MELK: variants seen among roughly 807,000 people sequenced by gnomAD.
MELK encodes maternal embryonic leucine zipper kinase.
A neutral mutation model predicts 85.0 loss-of-function variants in MELK; 81 were observed. That is an observed-to-expected ratio of 0.95 (90% confidence interval 0.80 to 1.15). MELK has a LOEUF of 1.15. Among genes scored for constraint, MELK ranks in the 50% most tolerant of loss-of-function variants. The probability of loss-of-function intolerance (pLI) is 0.00; values close to 1 mark genes in which losing one functional copy is unlikely to be tolerated. For missense variants in MELK, 754 were observed against 777.5 expected, an observed-to-expected ratio of 0.97 and a Z score of 0.36; for synonymous variants, 252 against 265.0, an observed-to-expected ratio of 0.95 and a Z score of 0.48.
At chr9:36,629,101 G>A (rs185842801) in intron 8 of MELK, among the ~76,000 whole-genome samples, 144 of 152,004 alleles carry the variant, frequency 9.5e-4, no homozygotes, top group Middle Eastern at 3.4e-3. Context: ...TCCTGACCTC[G>A]TGATCCACCT....
chr9:36,640,688 G>T (rs1829676242), intron 10 of MELK, among the ~76,000 whole-genome samples: 1 of 152,174 alleles, frequency 6.6e-6, no homozygotes, highest in Admixed American at 6.5e-5. Flanking sequence ...GGCTTCAAGT[G>T]ATCCTCCCAC....
intron 1 of MELK, among the ~76,000 whole-genome samples, chr9:36,577,909 T>A (rs2134801225): frequency 6.6e-6 from 1 of 152,216 alleles, no homozygotes; most frequent in Admixed American, 6.5e-5. Context: ...TGCCTCAGCC[T>A]CCCAAAGTGC....
intron 8 of MELK, among the ~76,000 whole-genome samples, chr9:36,615,147 G>C (rs1372214581): frequency 7.0e-6 from 1 of 143,582 alleles, no homozygotes; most frequent in African/African-American, 2.6e-5. Flanking sequence ...AGGGGCGGCC[G>C]GGCAGAGGCG....
At chr9:36,611,789 T>TATC (rs58570465) in intron 8 of MELK, among the ~76,000 whole-genome samples, 13 of 150,318 alleles carry the variant, frequency 8.6e-5, no homozygotes, top group Non-Finnish European at 1.3e-4. Flanking sequence ...TTATTATTAT[T>TATC]TTGAGATGGC....
At chr9:36,651,270 A>C (rs929681473) in intron 11 of MELK, among the ~76,000 whole-genome samples, 2 of 152,182 alleles carry the variant, frequency 1.3e-5, no homozygotes, top group East Asian at 3.9e-4. Context: ...ACAATTAACT[A>C]TTTTGAACAT....
chr9:36,627,476 T>C (rs1219260713), intron 8 of MELK, among the ~76,000 whole-genome samples: 2 of 152,062 alleles, frequency 1.3e-5, no homozygotes, highest in African/African-American at 4.8e-5. Flanking sequence ...TTATTCCCTT[T>C]ATCGAAAGCA....
chr9:36,654,501 G>A (rs940455311), intron 12 of MELK, among the ~76,000 whole-genome samples: 2 of 151,574 alleles, frequency 1.3e-5, no homozygotes, highest in South Asian at 2.1e-4. Context: ...GATTACAGGT[G>A]TGTGCCACCA....
At position 36,587,844 on chromosome 9, in the gene MELK, G is replaced by A. The variant is rs114393518; in HGVS notation, c.145-1692G>A. Among the ~76,000 whole-genome samples, 247 of 151,164 alleles carry A rather than the reference G, an allele frequency of 1.6e-3. 1 individual carries two copies. Among genetic ancestry groups the A allele is most frequent in the African/African-American group, 5.5e-3 (228 of 41,126 alleles). On this transcript the variant is annotated intron_variant, in intron 3 of 17. Transcript: ENST00000298048. ...GGCTGGAGTGCAGTGGCACGATCTC[G>A]GCCACTCCCAGGTTCAAGTGATTCT...
chr9:36,648,040 C>T (rs774314924), intron 11 of MELK, among the ~76,000 whole-genome samples: 153 of 152,174 alleles, frequency 1.0e-3, no homozygotes, highest in Non-Finnish European at 8.4e-4. Context: ...AAGACTATTC[C>T]GTACTGTTAA....
chr9:36,644,486 CATA>C (rs1435950037), intron 11 of MELK, among the ~76,000 whole-genome samples: 1 of 152,104 alleles, frequency 6.6e-6, no homozygotes, highest in Non-Finnish European at 1.5e-5. Flanking sequence ...TTCTGAATGA[CATA>C]ATAAGTAAAG....
chr9:36,603,275 G>T (rs2135699908), intron 7 of MELK, among the ~76,000 whole-genome samples: 1 of 152,164 alleles, frequency 6.6e-6, no homozygotes, highest in South Asian at 2.1e-4. Flanking sequence ...CTGAGATGGG[G>T]CTTTAAGAAT....
At chr9:36,665,937 A>G (rs143087299) in intron 14 of MELK, among the ~76,000 whole-genome samples, 164 of 152,326 alleles carry the variant, frequency 1.1e-3, no homozygotes, top group African/African-American at 3.7e-3. Context: ...TCATATACCC[A>G]GGTTTAGACC....
chr9:36,576,634 C>T (rs1342659214), intron 1 of MELK, among the ~76,000 whole-genome samples: 6 of 152,058 alleles, frequency 3.9e-5, no homozygotes, highest in Admixed American at 3.3e-4. Flanking sequence ...TGGGTTCAAG[C>T]GATTCTCCTT....
chr9:36,630,826 G>T (rs893527008), intron 9 of MELK, among the ~76,000 whole-genome samples: 4 of 152,006 alleles, frequency 2.6e-5, no homozygotes, highest in Non-Finnish European at 5.9e-5. Context: ...GCTAATTTTT[G>T]TATTTTTAGT....
At position 36,665,582 on chromosome 9, in the gene MELK, G is replaced by GT; in HGVS notation, c.1408+2dup. 6.2e-7 allele frequency: 1 copy of GT among 1,600,122 alleles called. No individual in the cohort carries two copies. Among genetic ancestry groups the GT allele is most frequent in the Non-Finnish European group, 8.5e-7 (1 of 1,170,850 alleles). ...AATCGTTACACTACACCCTCAAAAG[G>GT]TATTTGCTAAGTGAATTAAGCAGTA... On this transcript the variant is annotated splice_donor_variant, in intron 14 of 17. Transcript: ENST00000298048. LOFTEE classifies it high-confidence loss of function.
intron 5 of MELK, among the ~76,000 whole-genome samples, chr9:36,596,571 TGTTTTTTTTGTTTTTTTTG>T (rs1824284908): frequency 1.6e-5 from 2 of 122,894 alleles, no homozygotes; most frequent in African/African-American, 7.9e-5. Context: ...TTGTTTTTTT[TGTTTTTTTTGTTTTTTTTG>T]TTTTTTTTTT....
intron 9 of MELK, among the ~76,000 whole-genome samples, chr9:36,630,727 C>T (rs568225776): frequency 3.9e-5 from 6 of 152,324 alleles, no homozygotes; most frequent in African/African-American, 1.2e-4. Flanking sequence ...GATCTTGGCT[C>T]ACTGCAACCT....
At position 36,633,190 on chromosome 9, in the gene MELK, G is replaced by A. The variant is rs934766353; in HGVS notation, c.824G>A (p.Ser275Asn). 6.3e-7 allele frequency: 1 copy of A among 1,594,528 alleles called. No homozygotes were observed. Among genetic ancestry groups the A allele is most frequent in the African/African-American group, 1.4e-5 (1 of 73,736 alleles). ...QDYNYPVEWQ[S>N]KNPFIHLDDD... ...TACAACTATCCTGTTGAGTGGCAAA[G>A]CAAGAATCCTGTAAGTAAAATGAAA... Residue 275 changes from serine to asparagine, a missense_variant, in exon 10 of 18, where the codon AGC becomes AAC. Physicochemically the swap from Ser to Asn is conservative, Grantham distance 46. Transcript: ENST00000298048.
At chr9:36,592,681 A>G (rs951632056) in intron 4 of MELK, among the ~76,000 whole-genome samples, 3 of 152,170 alleles carry the variant, frequency 2.0e-5, no homozygotes, top group Admixed American at 2.0e-4. Flanking sequence ...ATCTGAGCAC[A>G]TTCAGATATT....
Sources: allele counts gnomAD v4.1 joint callset (sites outside exome capture counted in the v4.1 genomes callset), GRCh38; gene constraint gnomAD v4.1.1; transcripts MANE v1.5; gene names NCBI Gene and HGNC (gene_info 2026-07-23, HGNC 2026-07-21).